The following CTIF variants were observed in gnomAD, a reference collection of about 807,000 sequenced individuals.
CTIF encodes the protein cap binding complex dependent translation initiation factor, also known as CBP80/20-dependent translation initiation factor.
CTIF carries 21 observed loss-of-function variants against 66.0 expected under a neutral mutation model. That is an observed-to-expected ratio of 0.32 (90% CI 0.23 to 0.46). CTIF has a LOEUF of 0.46. Ranked by LOEUF, CTIF falls within the 20% of genes least tolerant of loss-of-function variation. The probability of loss-of-function intolerance (pLI) is 1.00; values close to 1 mark genes in which losing one functional copy is unlikely to be tolerated. For missense variants in CTIF, 739 were observed against 812.7 expected (o/e 0.91, Z 1.10); for synonymous variants, 345 against 326.4 (o/e 1.06, Z -0.62).
chr18:48,649,999 G>A (rs1333760093), intron 3 of CTIF, among the ~76,000 whole-genome samples: 1 of 152,200 alleles, frequency 6.6e-6, no homozygotes, highest in African/African-American at 2.4e-5. Flanking sequence ...ACCAAAGTTA[G>A]ATAAAACCAC....
At chr18:48,809,527 C>G (rs1314879603) in intron 9 of CTIF, among the ~76,000 whole-genome samples, 1 of 152,096 alleles carries the variant, frequency 6.6e-6, no homozygotes, top group African/African-American at 2.4e-5. Flanking sequence ...TTGTAGACTT[C>G]CTTATTTGTA....
chr18:48,660,745 A>G (rs530150757), intron 3 of CTIF, among the ~76,000 whole-genome samples: 4 of 152,340 alleles, frequency 2.6e-5, no homozygotes, highest in African/African-American at 9.6e-5. Context: ...CTGCCAGTTG[A>G]GGAGTAGTAG....
At chr18:48,742,755 C>T (rs992340866) in intron 7 of CTIF, among the ~76,000 whole-genome samples, 1 of 152,210 alleles carries the variant, frequency 6.6e-6, no homozygotes, top group African/African-American at 2.4e-5. Context: ...TAGAAAGTAA[C>T]TGGGTCCAGA....
At chr18:48,811,268 TTTAAC>T (rs1195645508) in intron 9 of CTIF, among the ~76,000 whole-genome samples, 89 of 152,354 alleles carry the variant, frequency 5.8e-4, no homozygotes, top group African/African-American at 1.9e-3. Flanking sequence ...AATGACTTAT[TTTAAC>T]TTAACTTAAT....
At chr18:48,577,502 G>A (rs144117351) in intron 1 of CTIF, among the ~76,000 whole-genome samples, 111 of 152,258 alleles carry the variant, frequency 7.3e-4, no homozygotes, top group African/African-American at 2.4e-3. Flanking sequence ...TTAGATAAAA[G>A]CTTTTTTGAG....
At chr18:48,709,756 A>G (rs533588191) in intron 6 of CTIF, among the ~76,000 whole-genome samples, 2 of 152,204 alleles carry the variant, frequency 1.3e-5, no homozygotes, top group African/African-American at 4.8e-5. Context: ...TGTGTTTTGT[A>G]TTAAAGAAAA....
At position 48,859,926 on chromosome 18, in the gene CTIF, T is replaced by TCGCACGC. The variant is rs2069423969; in HGVS notation, c.*370_*376dup. 2.0e-6 allele frequency: 1 copy of TCGCACGC among 491,610 alleles called. No individual in the cohort carries two copies. 30.5% of individuals were successfully genotyped at this position (491,610 alleles called of 1,614,324 possible). A position where few individuals can be genotyped will look rare whatever the true frequency, so the allele number is the denominator to read the frequency against. ...TGACTCCTCGGAGACCTTGGCAGCCTCGCACGCCGGGGCACCGCTTGGGTC... is the reference window on the plus strand; with the variant it reads ...TGACTCCTCGGAGACCTTGGCAGCCTCGCACGCCGCACGCCGGGGCACCGCTTGGGTC... On this transcript the variant is annotated 3_prime_UTR_variant, in exon 12 of 12. Coordinates refer to ENST00000256413, the MANE Select transcript of CTIF (RefSeq NM_014772.3).
At chr18:48,659,449 G>A (rs2091304519) in intron 3 of CTIF, among the ~76,000 whole-genome samples, 1 of 152,206 alleles carries the variant, frequency 6.6e-6, no homozygotes, top group African/African-American at 2.4e-5. Flanking sequence ...GGGCTGCTGA[G>A]CTTCACAGCT....
chr18:48,709,036 T>C (rs1051081543), intron 6 of CTIF, among the ~76,000 whole-genome samples: 7 of 152,246 alleles, frequency 4.6e-5, no homozygotes, highest in African/African-American at 1.7e-4. Context: ...GCTTACTATG[T>C]ACCAAGCATT....
At chr18:48,732,407 C>T (rs1220287078) in intron 7 of CTIF, among the ~76,000 whole-genome samples, 1 of 152,046 alleles carries the variant, frequency 6.6e-6, no homozygotes, top group Non-Finnish European at 1.5e-5. Context: ...CAGGGCAGTG[C>T]ACACCCAGGA....
chr18:48,651,760 A>T (rs2091159461), intron 3 of CTIF, among the ~76,000 whole-genome samples: 1 of 152,218 alleles, frequency 6.6e-6, no homozygotes, highest in African/African-American at 2.4e-5. Flanking sequence ...AATCACAACA[A>T]ACTGTCTCTC....
At chr18:48,806,708 G>C (rs1224448015) in intron 9 of CTIF, among the ~76,000 whole-genome samples, 1 of 152,170 alleles carries the variant, frequency 6.6e-6, no homozygotes, top group East Asian at 1.9e-4. Context: ...CCCTTTGCCT[G>C]TATACAGCTG....
At chr18:48,556,113 G>A (rs922801511) in intron 1 of CTIF, among the ~76,000 whole-genome samples, 48 of 152,170 alleles carry the variant, frequency 3.2e-4, no homozygotes, top group Non-Finnish European at 6.2e-4. Flanking sequence ...CGTTGGTCTT[G>A]TCTGTCCTGA....
intron 1 of CTIF, among the ~76,000 whole-genome samples, chr18:48,616,984 T>G (rs1224393860): frequency 6.6e-6 from 1 of 152,232 alleles, no homozygotes; most frequent in Non-Finnish European, 1.5e-5. Context: ...ATAGCATTCA[T>G]TATCTCACAG....
intron 3 of CTIF, among the ~76,000 whole-genome samples, chr18:48,648,344 C>T (rs1374395118): frequency 1.3e-5 from 2 of 152,120 alleles, no homozygotes; most frequent in African/African-American, 4.8e-5. Context: ...CCAGACTCAG[C>T]TTTAGTGCCA....
At chr18:48,631,462 T>C (rs1036144235) in intron 2 of CTIF, among the ~76,000 whole-genome samples, 3 of 152,244 alleles carry the variant, frequency 2.0e-5, no homozygotes, top group Non-Finnish European at 4.4e-5. Flanking sequence ...AGACTCCGTC[T>C]CAAAAACAAG....
chr18:48,695,923 C>T (rs1026001242), intron 6 of CTIF, among the ~76,000 whole-genome samples: 2 of 152,224 alleles, frequency 1.3e-5, no homozygotes, highest in African/African-American at 4.8e-5. Flanking sequence ...GCATGTGACT[C>T]GGCTCAAAGA....
chr18:48,750,688 A>G (rs1050472516), intron 7 of CTIF, among the ~76,000 whole-genome samples: 1 of 152,094 alleles, frequency 6.6e-6, no homozygotes, highest in Non-Finnish European at 1.5e-5. Flanking sequence ...CCTCCCATCC[A>G]GAGCCCTCCC....
intron 10 of CTIF, among the ~76,000 whole-genome samples, chr18:48,825,741 T>G (rs746292495): frequency 7.2e-5 from 11 of 152,208 alleles, no homozygotes; most frequent in Non-Finnish European, 1.3e-4. Flanking sequence ...CAATGAACTC[T>G]GATGGGGAGC....
Sources: allele counts gnomAD v4.1 joint callset (sites outside exome capture counted in the v4.1 genomes callset), GRCh38; gene constraint gnomAD v4.1.1; transcripts MANE v1.5; gene names NCBI Gene and HGNC (gene_info 2026-07-23, HGNC 2026-07-21).